TCP1: variants seen among roughly 807,000 people sequenced by gnomAD.
TCP1 encodes the protein t-complex 1.
Under a neutral mutation model 54.7 loss-of-function variants are expected in TCP1, and 6 were observed. The observed-to-expected ratio is 0.11, with a 90% confidence interval of 0.06 to 0.22. The LOEUF (loss-of-function observed/expected upper bound fraction) is 0.22. Among genes scored for constraint, TCP1 ranks in the 10% least tolerant of loss-of-function variants. The pLI, the probability that TCP1 is intolerant of heterozygous loss-of-function variation, is 1.00. For missense variants in TCP1, 511 were observed against 678.2 expected (o/e 0.75, Z 2.74); for synonymous variants, 225 against 229.7 (o/e 0.98, Z 0.19).
At position 159,780,570 on chromosome 6, in the gene TCP1, A is replaced by G. The variant is rs564503250; in HGVS notation, c.974-4T>C. ...GCCAGGGTTGACAGAATAGTTGCTA[A>G]TAAGAGAGTTACAAAGGATCTGTGA... On this transcript the variant is annotated splice_region_variant and splice_polypyrimidine_tract_variant and intron_variant, in intron 8 of 11. Coordinates refer to ENST00000321394, the MANE Select transcript of TCP1 (RefSeq NM_030752.3). The G allele has an allele frequency of 3.7e-5, 59 of 1,610,676 alleles. No individual in the cohort carries two copies. Among genetic ancestry groups the G allele is most frequent in the East Asian group, 4.5e-5 (2 of 44,832 alleles).
At chr6:159,782,657 A>G (rs1217425780) in intron 7 of TCP1, among the ~76,000 whole-genome samples, 2 of 152,208 alleles carry the variant, frequency 1.3e-5, no homozygotes, top group Non-Finnish European at 2.9e-5. Flanking sequence ...GTATTATCAC[A>G]AGTTCAGTTT....
At chr6:159,783,094 AT>A (rs1337179889) in intron 7 of TCP1, among the ~76,000 whole-genome samples, 1 of 152,230 alleles carries the variant, frequency 6.6e-6, no homozygotes, top group Non-Finnish European at 1.5e-5. Flanking sequence ...ACAAGGATGT[AT>A]GAAGAAGCTT....
Position 159,778,570 on chromosome 6 carries a change from C to G in TCP1, c.*475G>C. ...AATTTGAGTTTGAAAGGGTAGCATGCTGATACATTAAGAGGAAAAAGACAA... is the reference window on the plus strand; with the variant it reads ...AATTTGAGTTTGAAAGGGTAGCATGGTGATACATTAAGAGGAAAAAGACAA... On this transcript the variant is annotated 3_prime_UTR_variant, in exon 12 of 12. Transcript: ENST00000321394. The G allele has an allele frequency of 1.4e-6, 2 of 1,409,464 alleles. No individual in the cohort carries two copies. The highest frequency in any genetic ancestry group is 2.0e-6 in the Non-Finnish European group (2 of 1,024,500). The allele number at this position is 1,409,464 out of a possible 1,614,324, so 87.3% of individuals were successfully genotyped here. A position where few individuals can be genotyped will look rare whatever the true frequency, so the allele number is the denominator to read the frequency against.
intron 1 of TCP1, 182 bp downstream of exon 1, chr6:159,789,223 T>A: frequency 1.6e-6 from 1 of 625,104 alleles, no homozygotes; most frequent in South Asian, 2.2e-5. Context: ...CTCCTCGCTG[T>A]GGGAAAAGTG....
At chr6:159,786,524 T>C (rs1780700821) in intron 3 of TCP1, among the ~76,000 whole-genome samples, 1 of 152,228 alleles carries the variant, frequency 6.6e-6, no homozygotes, top group Non-Finnish European at 1.5e-5. Context: ...TGACTATTCA[T>C]ATGACCTATA....
intron 3 of TCP1, 117 bp from the exon 4 acceptor site, chr6:159,786,114 T>C: frequency 4.0e-5 from 29 of 718,644 alleles, no homozygotes; most frequent in Non-Finnish European, 6.3e-5. Flanking sequence ...ATGAAATGAA[T>C]TAACTGGTTA....
chr6:159,783,038 T>A (rs963051673), intron 7 of TCP1, among the ~76,000 whole-genome samples: 3 of 152,178 alleles, frequency 2.0e-5, no homozygotes, highest in Admixed American at 6.5e-5. Flanking sequence ...AGTAAACCAC[T>A]CATGACATCT....
At chr6:159,783,608 C>T (rs552410648) in intron 7 of TCP1, among the ~76,000 whole-genome samples, 1 of 152,210 alleles carries the variant, frequency 6.6e-6, no homozygotes, top group African/African-American at 2.4e-5. Flanking sequence ...CACACTACCT[C>T]CACCATTAGC....
Position 159,785,950 on chromosome 6 carries a change from T to C in TCP1, c.327A>G (p.Lys109=), listed in dbSNP as rs768816688. The C allele has an allele frequency of 2.5e-6, 4 of 1,613,898 alleles. No individual in the cohort carries two copies. The East Asian group carries it at 8.9e-5, about 36-fold the overall frequency. The change falls in exon 4 of 12, where the codon AAA becomes AAG. Residue 109 remains lysine (K), a synonymous_variant. Coordinates refer to ENST00000321394, the MANE Select transcript of TCP1 (RefSeq NM_030752.3). The stretch of plus-strand genomic sequence containing the variant: ...TAACTGATGTGGGATGAATTTTCTG[T>C]TTGACTAATTCATCTGCATTTTTTA... The part of the protein sequence containing the change: ...ELLKNADELV[K]QKIHPTSVIS...
Position 159,784,851 on chromosome 6 carries a change from C to T in TCP1, c.489-4G>A, listed in dbSNP as rs769841461. 4.0e-5 allele frequency: 64 copies of T among 1,614,070 alleles called. No individual in the cohort carries two copies. Among genetic ancestry groups the T allele is most frequent in the Non-Finnish European group, 4.6e-5 (54 of 1,179,980 alleles). On this transcript the variant is annotated splice_region_variant and splice_polypyrimidine_tract_variant and intron_variant, in intron 5 of 11. Transcript: ENST00000321394. ...GTTAGCAAAGAAATCACCATTTCTACGCCAAAAGTTAAGGACAGTAACAGG... is the reference window on the plus strand; with the variant it reads ...GTTAGCAAAGAAATCACCATTTCTATGCCAAAAGTTAAGGACAGTAACAGG...
Position 159,779,081 on chromosome 6 carries a change from A to C in TCP1, c.1635T>G (p.Tyr545Ter). Residue 545 changes from tyrosine (Y) to a stop codon, truncating the protein, a stop_gained, in exon 12 of 12, where the codon TAT becomes TAG. Coordinates refer to ENST00000321394, the MANE Select transcript of TCP1 (RefSeq NM_030752.3). LOFTEE classifies it high-confidence loss of function. ...PESKDDKHGSYEDAVHSGALN... is the reference protein window; with the variant it reads ...PESKDDKHGS ...GGGCTCCAGAGTGAACAGCATCTTC[A>C]TAACTTCCATGTTTATCATCTTTAC... 6.2e-7 allele frequency: 1 copy of C among 1,614,124 alleles called. No homozygotes were observed. Among genetic ancestry groups the C allele is most frequent in the Middle Eastern group, 1.6e-4 (1 of 6,062 alleles).
chr6:159,786,266 A>T (rs1780694989), intron 3 of TCP1, among the ~76,000 whole-genome samples: 1 of 152,202 alleles, frequency 6.6e-6, no homozygotes, highest in South Asian at 2.1e-4. Flanking sequence ...TGTAACGCTG[A>T]TGGGGGGAGG....
intron 1 of TCP1, 37 bp from the exon 2 acceptor site, chr6:159,788,180 G>A (rs748495254): frequency 6.3e-6 from 10 of 1,591,514 alleles, no homozygotes; most frequent in Middle Eastern, 1.7e-4. Context: ...AAGAAATGAG[G>A]ATAAGCCACA....
In TCP1 at chr6:159,788,316, A is replaced by G; in HGVS notation, c.65-173T>C. On this transcript the variant is annotated intron_variant, in intron 1 of 11. Transcript: ENST00000321394. ...ACTAAGAGTGTAAATGGGGCCAGAC[A>G]CTGTGGCTCACAGGTGTAATCCCAA... The G allele has an allele frequency of 5.1e-6, 3 of 585,690 alleles. No homozygotes were observed. The East Asian group carries it at 9.1e-5, about 18-fold the overall frequency. 36.3% of individuals were successfully genotyped at this position (585,690 alleles called of 1,614,324 possible). A position where few individuals can be genotyped will look rare whatever the true frequency, so the allele number is the denominator to read the frequency against.
intron 5 of TCP1, 109 bp downstream of exon 5, chr6:159,785,277 C>G (rs1260274358): frequency 1.2e-6 from 1 of 832,460 alleles, no homozygotes; most frequent in Non-Finnish European, 2.0e-6. Context: ...AATTAATACT[C>G]CTACCTCAGC....
Position 159,778,771 on chromosome 6 carries a change from T to C in TCP1, c.*274A>G, listed in dbSNP as rs1583135506. ...GAGAGAATGGGCAGAAGTCGTGGTG[T>C]TGCAGCCCTGTGCATTGGGGGTGGG... On this transcript the variant is annotated 3_prime_UTR_variant, in exon 12 of 12. Transcript: ENST00000321394. The C allele has an allele frequency of 1.2e-6, 2 of 1,614,242 alleles. No individual in the cohort carries two copies. The highest frequency in any genetic ancestry group is 2.2e-5 in the East Asian group (1 of 44,882).
At chr6:159,781,697 G>A (rs767413500) in intron 7 of TCP1, among the ~76,000 whole-genome samples, 8 of 152,164 alleles carry the variant, frequency 5.3e-5, no homozygotes, top group African/African-American at 1.4e-4. Flanking sequence ...ACTTAAACCC[G>A]GAAGGCGGAG....
intron 5 of TCP1, 121 bp downstream of exon 5, chr6:159,785,265 T>C (rs903656806): frequency 1.3e-6 from 1 of 762,678 alleles, no homozygotes; most frequent in African/African-American, 1.7e-5. Context: ...ACTCCTGGGT[T>C]CAATTAATAC....
intron 5 of TCP1, 145 bp downstream of exon 5, chr6:159,785,241 C>A: frequency 1.5e-6 from 1 of 671,768 alleles, no homozygotes; most frequent in Non-Finnish European, 2.6e-6. Context: ...CTATGTTGCC[C>A]ACATTGGACT....
Sources: allele counts gnomAD v4.1 joint callset (sites outside exome capture counted in the v4.1 genomes callset), GRCh38; gene constraint gnomAD v4.1.1; transcripts MANE v1.5; gene names NCBI Gene and HGNC (gene_info 2026-07-23, HGNC 2026-07-21).